Variants in FAM171A1 observed in about 807,000 individuals in gnomAD.
FAM171A1 encodes the protein protein FAM171A1.
Under a neutral mutation model 74.9 loss-of-function variants are expected in FAM171A1, and 23 were observed. That is an observed-to-expected ratio of 0.31 (90% confidence interval 0.22 to 0.44). FAM171A1 has a LOEUF of 0.44. Ranked by LOEUF, FAM171A1 falls within the 20% of genes least tolerant of loss-of-function variation. The pLI is 1.00. For missense variants in FAM171A1, 1,162 were observed against 1,159.2 expected (o/e 1.00, Z -0.03); for synonymous variants, 527 against 505.7 (o/e 1.04, Z -0.57).
intron 5 of FAM171A1, among the ~76,000 whole-genome samples, chr10:15,228,272 A>G (rs1192057474): frequency 6.6e-6 from 1 of 152,084 alleles, no homozygotes; most frequent in Non-Finnish European, 1.5e-5. Context: ...CTCACATGTT[A>G]AGAGATTCTT....
chr10:15,289,067 C>T (rs1332455600), intron 1 of FAM171A1, among the ~76,000 whole-genome samples: 5 of 152,212 alleles, frequency 3.3e-5, no homozygotes, highest in Non-Finnish European at 1.5e-5. Context: ...GGTGATCTGC[C>T]TGCCTTGGCC....
chr10:15,244,135 C>T (rs1564621117), intron 5 of FAM171A1, among the ~76,000 whole-genome samples: 1 of 152,188 alleles, frequency 6.6e-6, no homozygotes. Context: ...GGGTGGATCA[C>T]TTGAGCTCAG....
At chr10:15,266,935 T>G (rs544510527) in intron 3 of FAM171A1, among the ~76,000 whole-genome samples, 1 of 150,052 alleles carries the variant, frequency 6.7e-6, no homozygotes, top group East Asian at 2.0e-4. Context: ...GGAGTGTGAG[T>G]TGGCAGAATG....
chr10:15,258,288 T>C (rs1476983666), intron 3 of FAM171A1, among the ~76,000 whole-genome samples: 4 of 152,100 alleles, frequency 2.6e-5, no homozygotes, highest in Non-Finnish European at 4.4e-5. Flanking sequence ...CTCGATCTCC[T>C]GACCTCAGGT....
chr10:15,214,455 G>T lies in FAM171A1; in HGVS notation c.1133C>A (p.Ser378Tyr), dbSNP rs1290111588. 4.3e-6 allele frequency: 7 copies of T among 1,614,074 alleles called. No individual in the cohort carries two copies. In the African/African-American group the frequency reaches 9.3e-5, roughly 22 times the overall value. ...CTCGGGGCGGCCGTGGCTGGTGACG[G>T]ACAGCGGGCCAGGGAATTCTGACGC... ...RRASEFPGPL[S>Y]VTSHGRPEAP... Residue 378 changes from serine (S) to tyrosine (Y), a missense_variant, in exon 8 of 8, where the codon TCC (serine) becomes TAC (tyrosine). Coordinates refer to ENST00000378116, the MANE Select transcript of FAM171A1 (RefSeq NM_001010924.2).
intron 3 of FAM171A1, among the ~76,000 whole-genome samples, chr10:15,267,591 G>A (rs1404614303): frequency 4.6e-5 from 5 of 108,030 alleles, no homozygotes; most frequent in South Asian, 6.8e-4. Flanking sequence ...AACAGAGCGA[G>A]ACACCATCGC....
intron 1 of FAM171A1, among the ~76,000 whole-genome samples, chr10:15,367,747 A>C (rs1393519120): frequency 6.6e-6 from 1 of 152,246 alleles, no homozygotes; most frequent in East Asian, 1.9e-4. Flanking sequence ...GCAAAAAGCT[A>C]GCGCATCATC....
chr10:15,279,997 G>A (rs1183693979), intron 2 of FAM171A1, among the ~76,000 whole-genome samples: 1 of 152,216 alleles, frequency 6.6e-6, no homozygotes, highest in East Asian at 1.9e-4. Flanking sequence ...TGAGGCAGGA[G>A]AATTGCTTGA....
chr10:15,259,793 T>G (rs1037292108), intron 3 of FAM171A1, among the ~76,000 whole-genome samples: 9 of 151,886 alleles, frequency 5.9e-5, no homozygotes, highest in Admixed American at 1.3e-4. Context: ...TCTGGCCAAA[T>G]AGGACTGCAT....
rs1442018496 is a variant in FAM171A1, at chr10:15,229,582, TCATCATCAC to T, written c.755-8531_755-8523del. The stretch of plus-strand genomic sequence containing the variant: ...ACCCCCATCACCATCACCAACGTCA[TCATCATCAC>T]CATCATCACCATCACCATCATCACC... On this transcript the variant is annotated intron_variant, in intron 5 of 7. Coordinates refer to ENST00000378116, the MANE Select transcript of FAM171A1 (RefSeq NM_001010924.2). 3.8e-4 allele frequency among the ~76,000 whole-genome samples: 33 copies of T among 87,994 alleles called. 3 individuals carry two copies. The South Asian group carries it at 9.0e-3, about 24-fold the overall frequency. 57.7% of individuals were successfully genotyped at this position (87,994 alleles called of 152,430 possible).
At chr10:15,357,739 TGGATA>T (rs1835950721) in intron 1 of FAM171A1, among the ~76,000 whole-genome samples, 1 of 152,168 alleles carries the variant, frequency 6.6e-6, no homozygotes, top group African/African-American at 2.4e-5. Flanking sequence ...GATTAATGGA[TGGATA>T]GAAGGATGAA....
chr10:15,324,878 C>G (rs1835532221), intron 1 of FAM171A1, among the ~76,000 whole-genome samples: 1 of 152,202 alleles, frequency 6.6e-6, no homozygotes, highest in Non-Finnish European at 1.5e-5. Context: ...TAAATAAGGA[C>G]TTTTACACTT....
chr10:15,333,564 C>T (rs1177415573), intron 1 of FAM171A1, among the ~76,000 whole-genome samples: 2 of 151,964 alleles, frequency 1.3e-5, no homozygotes, highest in Non-Finnish European at 2.9e-5. Context: ...CATGGTGGCT[C>T]ACACCTGTAA....
intron 1 of FAM171A1, among the ~76,000 whole-genome samples, chr10:15,332,928 G>A (rs548598356): frequency 4.7e-4 from 71 of 152,204 alleles, no homozygotes; most frequent in Non-Finnish European, 8.2e-4. Flanking sequence ...CAAGCAAAGC[G>A]ATGTCATTCC....
At chr10:15,349,630 G>T (rs1835855639) in intron 1 of FAM171A1, among the ~76,000 whole-genome samples, 1 of 152,168 alleles carries the variant, frequency 6.6e-6, no homozygotes, top group South Asian at 2.1e-4. Flanking sequence ...AAGGATGTTC[G>T]GCATCAGCTT....
At chr10:15,265,243 G>A (rs1318426880) in intron 3 of FAM171A1, among the ~76,000 whole-genome samples, 1 of 151,688 alleles carries the variant, frequency 6.6e-6, no homozygotes, top group Non-Finnish European at 1.5e-5. Flanking sequence ...TCAAGTACTC[G>A]TGTGTGTGCG....
chr10:15,365,085 C>G (rs888006581), intron 1 of FAM171A1, among the ~76,000 whole-genome samples: 1 of 152,194 alleles, frequency 6.6e-6, no homozygotes, highest in Non-Finnish European at 1.5e-5. Context: ...CCAGAGAGCA[C>G]AATTACCTTA....
chr10:15,231,211 A>T (rs1564617377), intron 5 of FAM171A1, among the ~76,000 whole-genome samples: 1 of 147,602 alleles, frequency 6.8e-6, no homozygotes, highest in African/African-American at 2.5e-5. Context: ...TTCTTATTTT[A>T]TTTTTTTTTT....
intron 1 of FAM171A1, among the ~76,000 whole-genome samples, chr10:15,337,241 T>C (rs1835711799): frequency 6.6e-6 from 1 of 152,178 alleles, no homozygotes; most frequent in Non-Finnish European, 1.5e-5. Flanking sequence ...GTTGGAACAA[T>C]TAGAGGATAA....
Sources: gnomAD v4.1 joint callset for allele counts (sites outside exome capture counted in the v4.1 genomes callset) on GRCh38, gnomAD v4.1.1 for gene constraint, MANE v1.5 for transcripts, NCBI Gene and HGNC (gene_info 2026-07-23, HGNC 2026-07-21) for gene names.